Variants in EXOC4 observed in about 807,000 individuals in gnomAD.
The protein encoded by EXOC4 is SEC8-like 1.
In EXOC4, 71 loss-of-function variants were observed where a neutral mutation model predicts 107.2. The observed-to-expected ratio is 0.66, with a 90% CI of 0.55 to 0.81. The LOEUF is 0.81. EXOC4 is among the 30% of genes least tolerant of loss of function. The probability of loss-of-function intolerance (pLI) is 0.00; values close to 1 mark genes in which losing one functional copy is unlikely to be tolerated. For synonymous variants in EXOC4, 456 were observed against 441.2 expected (o/e 1.03, Z -0.42); for missense variants, 1,108 against 1,189.6 (o/e 0.93, Z 1.01).
At position 133,458,421 on chromosome 7, in the gene EXOC4, G is replaced by T. The variant is rs552533846; in HGVS notation, c.1183-16907G>T. ...ATAAATTCTTATTGGAGTTTGAGGA[G>T]ATGTCATATTCATTTGTCAACATGT... On this transcript the variant is annotated intron_variant, in intron 7 of 17. Transcript: ENST00000253861. Among the ~76,000 whole-genome samples, 6 of 152,312 alleles carry T rather than the reference G, an allele frequency of 3.9e-5. No individual in the cohort carries two copies. In the South Asian group the frequency reaches 1.2e-3, roughly 32 times the overall value.
intron 14 of EXOC4, among the ~76,000 whole-genome samples, chr7:133,982,706 G>A (rs1794020063): frequency 6.6e-6 from 1 of 152,162 alleles, no homozygotes; most frequent in African/African-American, 2.4e-5. Context: ...AGAATCCTAT[G>A]GGTCAGATAG....
the EXOC4 span, among the ~76,000 whole-genome samples, chr7:134,085,087 G>A: frequency 3.3e-5 from 5 of 152,142 alleles, no homozygotes; most frequent in African/African-American, 4.8e-5. Flanking sequence ...ATTGTTACAG[G>A]TGCATACTCC....
chr7:133,471,199 A>C (rs1228144038), intron 7 of EXOC4, among the ~76,000 whole-genome samples: 1 of 152,030 alleles, frequency 6.6e-6, no homozygotes, highest in Non-Finnish European at 1.5e-5. Flanking sequence ...ATAACCTGAG[A>C]TCAGGAGTTC....
chr7:133,616,001 A>G (rs1802185306), intron 9 of EXOC4, among the ~76,000 whole-genome samples: 1 of 152,186 alleles, frequency 6.6e-6, no homozygotes, highest in South Asian at 2.1e-4. Context: ...AGTCAAACGT[A>G]GTATGTATTG....
chr7:134,032,213 C>G (rs1278352228), intron 17 of EXOC4, among the ~76,000 whole-genome samples: 2 of 152,182 alleles, frequency 1.3e-5, no homozygotes, highest in Non-Finnish European at 2.9e-5. Context: ...AAGCAACATC[C>G]TCCATATTGA....
At chr7:133,722,572 A>G (rs1398579644) in intron 10 of EXOC4, among the ~76,000 whole-genome samples, 1 of 152,218 alleles carries the variant, frequency 6.6e-6, no homozygotes, top group Non-Finnish European at 1.5e-5. Flanking sequence ...TTGGTGTAAT[A>G]CAACTGGTGT....
chr7:133,973,108 C>T (rs1793726663), intron 14 of EXOC4, among the ~76,000 whole-genome samples: 1 of 152,168 alleles, frequency 6.6e-6, no homozygotes, highest in Non-Finnish European at 1.5e-5. Flanking sequence ...TAACACAGTA[C>T]CAGCTCTGTC....
intron 9 of EXOC4, among the ~76,000 whole-genome samples, chr7:133,533,688 T>G (rs1218385224): frequency 6.6e-6 from 1 of 152,200 alleles, no homozygotes; most frequent in Non-Finnish European, 1.5e-5. Context: ...AGTGCTCGGC[T>G]GACTGTGCCA....
intron 7 of EXOC4, among the ~76,000 whole-genome samples, chr7:133,397,997 A>G (rs905338577): frequency 1.3e-5 from 2 of 152,204 alleles, no homozygotes; most frequent in African/African-American, 4.8e-5. Flanking sequence ...AATTCCAGTT[A>G]AACTTTTAAT....
intron 11 of EXOC4, among the ~76,000 whole-genome samples, chr7:133,844,339 T>G (rs963072797): frequency 1.7e-4 from 25 of 151,472 alleles, no homozygotes; most frequent in Admixed American, 1.5e-3. Flanking sequence ...TTTTACATTT[T>G]TACCCAACCA....
chr7:134,054,269 T>C (rs2116597506), intron 17 of EXOC4, among the ~76,000 whole-genome samples: 1 of 152,290 alleles, frequency 6.6e-6, no homozygotes, highest in East Asian at 1.9e-4. Flanking sequence ...TCTGGTTCCA[T>C]GGCCCTTAAC....
intron 10 of EXOC4, among the ~76,000 whole-genome samples, chr7:133,702,160 G>A (rs1205424002): frequency 1.3e-5 from 2 of 150,418 alleles, no homozygotes; most frequent in Non-Finnish European, 3.0e-5. Context: ...ATTTTCTTAC[G>A]CTTATTCACA....
chr7:133,474,700 G>A (rs1798967282), intron 7 of EXOC4, among the ~76,000 whole-genome samples: 1 of 152,022 alleles, frequency 6.6e-6, no homozygotes, highest in South Asian at 2.1e-4. Context: ...TGTAGGTCAG[G>A]ACTTCGTAGC....
At chr7:133,408,230 G>A (rs138869740) in intron 7 of EXOC4, among the ~76,000 whole-genome samples, 51 of 151,208 alleles carry the variant, frequency 3.4e-4, no homozygotes, top group African/African-American at 1.2e-3. Flanking sequence ...ATGATGGGTG[G>A]GGAGGGAATG....
intron 12 of EXOC4, among the ~76,000 whole-genome samples, chr7:133,908,890 A>G (rs898776970): frequency 6.6e-6 from 1 of 152,186 alleles, no homozygotes; most frequent in Non-Finnish European, 1.5e-5. Context: ...CAGAACATGC[A>G]GGTTTATTAC....
intron 9 of EXOC4, among the ~76,000 whole-genome samples, chr7:133,599,956 A>G (rs1258106727): frequency 7.5e-6 from 1 of 133,114 alleles, no homozygotes; most frequent in Non-Finnish European, 1.5e-5. Flanking sequence ...GCTGGAGTAC[A>G]GTGGTACAGT....
chr7:134,069,446 C>T (rs976677088), downstream of EXOC4, among the ~76,000 whole-genome samples: 2 of 150,444 alleles, frequency 1.3e-5, no homozygotes, highest in African/African-American at 4.9e-5. Context: ...CCTTCTCCTG[C>T]TCCTCCTCCT....
At chr7:133,280,572 A>G (rs912974710) in intron 2 of EXOC4, among the ~76,000 whole-genome samples, 4 of 152,282 alleles carry the variant, frequency 2.6e-5, no homozygotes, top group Middle Eastern at 3.4e-3. Flanking sequence ...AACACTTAAC[A>G]TTTCATCCCA....
chr7:133,508,242 T>G, intron 9 of EXOC4, among the ~76,000 whole-genome samples: 1 of 152,082 alleles, frequency 6.6e-6, no homozygotes, highest in East Asian at 1.9e-4. Flanking sequence ...CGAGACAGTG[T>G]TCTCTAACTT....
Sources: allele counts gnomAD v4.1 joint callset (sites outside exome capture counted in the v4.1 genomes callset), GRCh38; gene constraint gnomAD v4.1.1; transcripts MANE v1.5; gene names NCBI Gene and HGNC (gene_info 2026-07-23, HGNC 2026-07-21).